Variants in NT5DC3 observed in about 807,000 individuals in gnomAD.
The protein encoded by NT5DC3 is 5'-nucleotidase domain containing 3.
In NT5DC3, 42 loss-of-function variants were observed where a neutral mutation model predicts 67.8. That is an observed-to-expected ratio of 0.62 (90% CI 0.48 to 0.80). The LOEUF is 0.80. NT5DC3 is among the 30% of genes least tolerant of loss of function. NT5DC3 has a pLI of 0.00. For synonymous variants in NT5DC3, 237 were observed against 255.6 expected, an observed-to-expected ratio of 0.93 and a Z score of 0.69; for missense variants, 570 against 696.4, an observed-to-expected ratio of 0.82 and a Z score of 2.04.
In NT5DC3 at chr12:103,793,399, G is replaced by C. The variant is rs757486377; in HGVS notation, c.917+11C>G. On this transcript the variant is annotated intron_variant, in intron 8 of 13. Coordinates refer to ENST00000392876, the MANE Select transcript of NT5DC3 (RefSeq NM_001031701.3). Reference sequence around the variant, plus strand: ...TGCCAGAAGCTAGCAATGAAACACAGAGCAACTTACACAAAGCTACTGGGG... The same window carrying C: ...TGCCAGAAGCTAGCAATGAAACACACAGCAACTTACACAAAGCTACTGGGG... 65 of 1,608,082 alleles carry C rather than the reference G, an allele frequency of 4.0e-5. No homozygotes were observed. The highest frequency in any genetic ancestry group is 5.3e-5 in the Non-Finnish European group (62 of 1,174,626).
At chr12:103,787,709 G>A (rs1334651575) in intron 10 of NT5DC3, among the ~76,000 whole-genome samples, 182 bp from the exon 11 acceptor site, 1 of 152,146 alleles carries the variant, frequency 6.6e-6, no homozygotes, top group Non-Finnish European at 1.5e-5. Context: ...GTTCAAGAAG[G>A]ATTTATATTA....
At chr12:103,809,739 G>A (rs1262411298) in intron 2 of NT5DC3, among the ~76,000 whole-genome samples, 1 of 152,168 alleles carries the variant, frequency 6.6e-6, no homozygotes, top group Non-Finnish European at 1.5e-5. Flanking sequence ...CATGACACGT[G>A]GGGATTATGG....
rs3036176 is a variant in NT5DC3 at position 103,786,681 on chromosome 12, A to ATTT, written c.1188+757_1188+759dup. ...GATGCCCACCTTCCTCACTGGTTTG[A>ATTT]TTTTTTTTTTTTTTTTTTTGAGGCA... On this transcript the variant is annotated intron_variant, in intron 11 of 13. Coordinates refer to ENST00000392876, the MANE Select transcript of NT5DC3 (RefSeq NM_001031701.3). Among the ~76,000 whole-genome samples, 50 of 132,380 alleles carry ATTT rather than the reference A, an allele frequency of 3.8e-4. 4 individuals are homozygous for ATTT. The highest frequency in any genetic ancestry group is 1.1e-3 in the East Asian group (4 of 3,806). The allele number at this position is 132,380 out of a possible 152,430, so 86.8% of individuals were successfully genotyped here.
chr12:103,753,363 C>T, the NT5DC3 span: 3 of 1,614,026 alleles, frequency 1.9e-6, no homozygotes, highest in Non-Finnish European at 2.5e-6. Context: ...GGTGGGTCTT[C>T]AGTTAGCAGA....
chr12:103,830,003 A>G (rs1007944596), intron 1 of NT5DC3, among the ~76,000 whole-genome samples: 1 of 152,196 alleles, frequency 6.6e-6, no homozygotes, highest in Non-Finnish European at 1.5e-5. Context: ...ATGGTCTGCT[A>G]TCACTGTTCA....
intron 2 of NT5DC3, among the ~76,000 whole-genome samples, chr12:103,810,257 T>A (rs1886975473): frequency 6.6e-6 from 1 of 152,114 alleles, no homozygotes; most frequent in Admixed American, 6.5e-5. Flanking sequence ...TAAATTGTAA[T>A]CTCCCCATAC....
At chr12:103,752,702 G>A in the NT5DC3 span, among the ~76,000 whole-genome samples, 2 of 152,140 alleles carry the variant, frequency 1.3e-5, no homozygotes, top group African/African-American at 4.8e-5. Flanking sequence ...AATATGGGGA[G>A]GAGGAGAAAA....
chr12:103,787,683 C>G (rs917742606), intron 10 of NT5DC3, among the ~76,000 whole-genome samples, 156 bp from the exon 11 acceptor site: 1 of 152,156 alleles, frequency 6.6e-6, no homozygotes, highest in Non-Finnish European at 1.5e-5. Context: ...AATCTTTCTT[C>G]TATGTCAAAT....
chr12:103,766,665 C>T (rs1472713270), downstream of NT5DC3: 1 of 291,812 alleles, frequency 3.4e-6, no homozygotes, highest in Non-Finnish European at 6.5e-6. Context: ...CAGCCCCTAG[C>T]CCAGTGCCTG....
Position 103,787,435 on chromosome 12 carries a change from C to G in NT5DC3, c.1188+6G>C, listed in dbSNP as rs932715991. ...TCCCCCAACAAAGGAAAAAAGGGCC[C>G]CTCACCGCCAGGTCACTGTATATAT... On this transcript the variant is annotated splice_donor_region_variant and intron_variant, in intron 11 of 13. Transcript: ENST00000392876. 2 of 1,522,146 alleles carry G rather than the reference C, an allele frequency of 1.3e-6. No individual in the cohort carries two copies. The highest frequency in any genetic ancestry group is 3.9e-5 in the Admixed American group (2 of 51,118). The allele number at this position is 1,522,146 out of a possible 1,614,324, so 94.3% of individuals were successfully genotyped here. A position where few individuals can be genotyped will look rare whatever the true frequency, so the allele number is the denominator to read the frequency against.
chr12:103,801,429 C>T (rs1435072273), intron 4 of NT5DC3, among the ~76,000 whole-genome samples: 1 of 124,366 alleles, frequency 8.0e-6, no homozygotes, highest in African/African-American at 3.2e-5. Context: ...GTCGCCCAGG[C>T]TGGAGTGCAG....
intron 4 of NT5DC3, among the ~76,000 whole-genome samples, chr12:103,803,583 T>C (rs2139379759): frequency 6.6e-6 from 1 of 152,258 alleles, no homozygotes; most frequent in South Asian, 2.1e-4. Flanking sequence ...TACTAAGCCC[T>C]AGTACCCTAT....
the NT5DC3 span, chr12:103,758,283 G>A: frequency 3.1e-6 from 5 of 1,613,494 alleles, no homozygotes; most frequent in Non-Finnish European, 4.2e-6. Flanking sequence ...GGCTGGGGGA[G>A]AATGAGGTGA....
At chr12:103,767,658 A>G (rs953012991), downstream of NT5DC3, among the ~76,000 whole-genome samples, 6 of 152,250 alleles carry the variant, frequency 3.9e-5, no homozygotes, top group Non-Finnish European at 5.9e-5. Context: ...TTAACCTGCC[A>G]AAGAATGTTG....
At chr12:103,771,615 C>T (rs527536526), downstream of NT5DC3, among the ~76,000 whole-genome samples, 2 of 152,302 alleles carry the variant, frequency 1.3e-5, no homozygotes, top group South Asian at 4.1e-4. Context: ...TCCAAATTGT[C>T]CCCAGGGGGC....
At chr12:103,825,714 G>A (rs745511107) in intron 1 of NT5DC3, among the ~76,000 whole-genome samples, 32 of 152,220 alleles carry the variant, frequency 2.1e-4, no homozygotes, top group Non-Finnish European at 4.4e-4. Context: ...GTTCAAGGCT[G>A]CAATGAGCTT....
chr12:103,788,996 A>G, intron 9 of NT5DC3, 77 bp from the exon 10 acceptor site: 1 of 993,254 alleles, frequency 1.0e-6, no homozygotes, highest in Non-Finnish European at 1.6e-6. Context: ...GTTATTCACT[A>G]TCACAGGAAG....
In NT5DC3 at chr12:103,806,181, C is replaced by T. The variant is rs1476044742; in HGVS notation, c.524+141G>A. ...CACCTGGCATGGTAGCAGGCCTCAACAAATGCTCTTGAGTAAGTGAGTGAA... is the reference window on the plus strand; with the variant it reads ...CACCTGGCATGGTAGCAGGCCTCAATAAATGCTCTTGAGTAAGTGAGTGAA... On this transcript the variant is annotated intron_variant, in intron 4 of 13. Coordinates refer to ENST00000392876, the MANE Select transcript of NT5DC3 (RefSeq NM_001031701.3). 5 of 657,294 alleles carry T rather than the reference C, an allele frequency of 7.6e-6. No individual in the cohort carries two copies. In the African/African-American group the frequency reaches 9.0e-5, roughly 12 times the overall value. 40.7% of individuals were successfully genotyped at this position (657,294 alleles called of 1,614,324 possible). A position where few individuals can be genotyped will look rare whatever the true frequency, so the allele number is the denominator to read the frequency against.
At chr12:103,746,830 T>A in the NT5DC3 span, 12 of 808,012 alleles carry the variant, frequency 1.5e-5, no homozygotes, top group Non-Finnish European at 2.3e-5. Flanking sequence ...GCACCTACCC[T>A]CTCTATGACT....
Sources: gnomAD v4.1 joint callset for allele counts (sites outside exome capture counted in the v4.1 genomes callset) on GRCh38, gnomAD v4.1.1 for gene constraint, MANE v1.5 for transcripts, NCBI Gene and HGNC (gene_info 2026-07-23, HGNC 2026-07-21) for gene names.